The following DOCK2 variants were observed in gnomAD, a reference collection of about 807,000 sequenced individuals.
DOCK2 encodes dedicator of cytokinesis 2.
DOCK2 carries 87 observed loss-of-function variants against 248.9 expected under a neutral mutation model. That is an observed-to-expected ratio of 0.35 (90% confidence interval 0.29 to 0.42). The LOEUF is 0.42. DOCK2 is among the 10% of genes least tolerant of loss of function. DOCK2 has a pLI of 1.00. For missense variants in DOCK2, 1,747 were observed against 2,300.2 expected, an observed-to-expected ratio of 0.76 and a Z score of 4.92; for synonymous variants, 805 against 821.6, an observed-to-expected ratio of 0.98 and a Z score of 0.35.
chr5:169,838,075 G>GA (rs376814808), intron 26 of DOCK2, among the ~76,000 whole-genome samples: 5 of 152,236 alleles, frequency 3.3e-5, no homozygotes, highest in African/African-American at 1.2e-4. Flanking sequence ...AAGGGAGGGG[G>GA]AATACATAGC....
intron 5 of DOCK2, among the ~76,000 whole-genome samples, chr5:169,672,304 G>A (rs577658210): frequency 5.9e-5 from 9 of 152,142 alleles, no homozygotes; most frequent in Non-Finnish European, 1.2e-4. Flanking sequence ...CACCACGCCC[G>A]GCCTACTACC....
chr5:169,982,775 G>A (rs1199264264), intron 27 of DOCK2, among the ~76,000 whole-genome samples: 1 of 152,168 alleles, frequency 6.6e-6, no homozygotes, highest in Non-Finnish European at 1.5e-5. Context: ...GAGACGATTG[G>A]GACTTACACA....
intron 5 of DOCK2, among the ~76,000 whole-genome samples, chr5:169,673,633 G>A (rs1489496853): frequency 2.0e-5 from 3 of 152,012 alleles, no homozygotes; most frequent in Non-Finnish European, 2.9e-5. Context: ...CTATCCTCCC[G>A]CCTTAGCCTC....
chr5:169,855,807 A>G (rs538531220), intron 27 of DOCK2, among the ~76,000 whole-genome samples: 4 of 152,258 alleles, frequency 2.6e-5, no homozygotes, highest in Non-Finnish European at 5.9e-5. Context: ...GTAATGAGAA[A>G]GAGCCACAAG....
At position 169,997,028 on chromosome 5, in the gene DOCK2, T is replaced by C. The variant is rs1053946510; in HGVS notation, c.3072+864T>C. On this transcript the variant is annotated intron_variant, in intron 30 of 51. Coordinates refer to ENST00000520908, the MANE Select transcript of DOCK2 (RefSeq NM_004946.3). The stretch of plus-strand genomic sequence containing the variant: ...CAGCATATGGAGGATCCCGCCAGCC[T>C]CTGAGTTCCCTTAGTATTTATTCAT... 4.8e-4 allele frequency among the ~76,000 whole-genome samples: 73 copies of C among 152,136 alleles called. 1 individual carries two copies. The highest frequency in any genetic ancestry group is 1.6e-3 in the Admixed American group (25 of 15,290).
intron 33 of DOCK2, among the ~76,000 whole-genome samples, chr5:170,023,919 C>G (rs935525268): frequency 6.6e-6 from 1 of 152,138 alleles, no homozygotes. Flanking sequence ...AGAAAACATT[C>G]TAGGAGAACA....
At chr5:169,984,563 T>A (rs1778020479) in intron 28 of DOCK2, among the ~76,000 whole-genome samples, 1 of 152,212 alleles carries the variant, frequency 6.6e-6, no homozygotes, top group South Asian at 2.1e-4. Context: ...GGAACAAATG[T>A]CATTTCCAGA....
At chr5:169,820,159 A>G (rs1256519438) in intron 26 of DOCK2, among the ~76,000 whole-genome samples, 1 of 152,248 alleles carries the variant, frequency 6.6e-6, no homozygotes, top group Non-Finnish European at 1.5e-5. Flanking sequence ...CAGCTCAAGG[A>G]GGCCTGCATG....
chr5:169,712,313 C>A (rs1761636540), intron 17 of DOCK2, 90 bp downstream of exon 17: 2 of 1,141,138 alleles, frequency 1.8e-6, no homozygotes, highest in African/African-American at 1.5e-5. Flanking sequence ...ACAGCAGGGA[C>A]CCCAGAATCA....
rs980421723 is a variant in DOCK2 at position 169,666,633 on chromosome 5, A to G, written c.128-2655A>G. Among the ~76,000 whole-genome samples the G allele has an allele frequency of 2.0e-5, 3 of 152,220 alleles. No individual in the cohort carries two copies. In the East Asian group the frequency reaches 5.8e-4, roughly 29 times the overall value. The stretch of plus-strand genomic sequence containing the variant: ...TTGGTGACCATATTAGGGAACCAAC[A>G]TCAGTGGTCAGAGATAAATGACCTG... On this transcript the variant is annotated intron_variant, in intron 2 of 51. Coordinates refer to ENST00000520908, the MANE Select transcript of DOCK2 (RefSeq NM_004946.3).
intron 25 of DOCK2, among the ~76,000 whole-genome samples, chr5:169,801,961 G>A (rs1581210029): frequency 6.6e-6 from 1 of 151,994 alleles, no homozygotes; most frequent in East Asian, 1.9e-4. Context: ...TGATATCCTG[G>A]TGTGTATGAT....
At chr5:169,977,574 A>C (rs1419520554) in intron 27 of DOCK2, among the ~76,000 whole-genome samples, 1 of 152,196 alleles carries the variant, frequency 6.6e-6, no homozygotes, top group Non-Finnish European at 1.5e-5. Flanking sequence ...CGAGGTCACA[A>C]AACTAGTAAG....
At chr5:170,055,502 C>T in intron 42 of DOCK2, 116 bp downstream of exon 42, 2 of 900,848 alleles carry the variant, frequency 2.2e-6, no homozygotes, top group South Asian at 3.1e-5. Context: ...TCTATCTTAG[C>T]CAGTTTTTCC....
intron 9 of DOCK2, among the ~76,000 whole-genome samples, chr5:169,689,641 T>C (rs1227443413): frequency 1.3e-5 from 2 of 152,228 alleles, no homozygotes; most frequent in Admixed American, 1.3e-4. Context: ...CCAGGTGAAC[T>C]GGGCACAACA....
At chr5:169,949,438 C>T (rs953694407) in intron 27 of DOCK2, among the ~76,000 whole-genome samples, 8 of 152,026 alleles carry the variant, frequency 5.3e-5, no homozygotes, top group Non-Finnish European at 4.4e-5. Context: ...AGGAGATAGC[C>T]CATTAGCCCA....
At chr5:169,996,022 A>G (rs1581513936) in intron 29 of DOCK2, 64 bp from the exon 30 acceptor site, 3 of 1,564,878 alleles carry the variant, frequency 1.9e-6, no homozygotes, top group East Asian at 2.2e-5. Flanking sequence ...TTAGTCTGGC[A>G]TAAGGACGAA....
intron 25 of DOCK2, 125 bp downstream of exon 25, chr5:169,761,750 C>T (rs1056830367): frequency 1.3e-5 from 9 of 669,136 alleles, no homozygotes; most frequent in Admixed American, 5.9e-5. Flanking sequence ...TCACAACTCC[C>T]TTGGTCTGCA....
At chr5:169,802,978 G>A in intron 25 of DOCK2, 80 bp from the exon 26 acceptor site, 5 of 1,482,774 alleles carry the variant, frequency 3.4e-6, no homozygotes, top group Non-Finnish European at 3.6e-6. Context: ...TTTATTTAAT[G>A]AAACATTGTA....
At position 169,879,729 on chromosome 5, in the gene DOCK2, A is replaced by G. The variant is rs368390056; in HGVS notation, c.2799+38877A>G. Among the ~76,000 whole-genome samples the G allele has an allele frequency of 3.8e-3, 577 of 152,312 alleles. 37 individuals are homozygous for G. In the South Asian group the frequency reaches 0.11, roughly 30 times the overall value. ...TTTTAATTCGGTTTAGAATATCAGA[A>G]TGTCAGAACTAAAAGGGACTCTTGG... On this transcript the variant is annotated intron_variant, in intron 27 of 51. Coordinates refer to ENST00000520908, the MANE Select transcript of DOCK2 (RefSeq NM_004946.3).
Sources: gnomAD v4.1 joint callset for allele counts (sites outside exome capture counted in the v4.1 genomes callset) on GRCh38, gnomAD v4.1.1 for gene constraint, MANE v1.5 for transcripts, NCBI Gene and HGNC (gene_info 2026-07-23, HGNC 2026-07-21) for gene names.